Variants in VMP1 observed in about 807,000 individuals in gnomAD.
The protein encoded by VMP1 is ectopic P-granules autophagy protein 3 homolog.
In VMP1, 11 loss-of-function variants were observed where a neutral mutation model predicts 56.0. The observed-to-expected ratio is 0.20, with a 90% CI of 0.12 to 0.32. VMP1 has a LOEUF of 0.32. VMP1 is among the 10% of genes least tolerant of loss of function. The probability of loss-of-function intolerance (pLI) is 1.00; values close to 1 mark genes in which losing one functional copy is unlikely to be tolerated. For synonymous variants in VMP1, 149 were observed against 165.0 expected, an observed-to-expected ratio of 0.90 and a Z score of 0.74; for missense variants, 296 against 490.3, an observed-to-expected ratio of 0.60 and a Z score of 3.74.
intron 5 of VMP1, among the ~76,000 whole-genome samples, chr17:59,760,884 G>A (rs765603294): frequency 3.3e-5 from 5 of 152,088 alleles, no homozygotes; most frequent in Admixed American, 1.3e-4. Context: ...CTCCCAAAGC[G>A]CTGGGATTAC....
chr17:59,737,382 A>AAATT, intron 3 of VMP1, 71 bp from the exon 4 acceptor site: 1 of 1,489,780 alleles, frequency 6.7e-7, no homozygotes, highest in South Asian at 1.2e-5. Context: ...TTTCAGCAAG[A>AAATT]AATTGTTCTG....
At chr17:59,744,191 T>A (rs1221935997) in intron 5 of VMP1, among the ~76,000 whole-genome samples, 2 of 151,720 alleles carry the variant, frequency 1.3e-5, no homozygotes, top group Non-Finnish European at 2.9e-5. Context: ...CCAGGCGCGG[T>A]GGCTCATGCC....
rs532814599 is a variant in VMP1 at position 59,796,355 on chromosome 17, G to A, written c.715-12441G>A. Among the ~76,000 whole-genome samples, 146 of 152,254 alleles carry A rather than the reference G, an allele frequency of 9.6e-4. 1 individual carries two copies. Among genetic ancestry groups the A allele is most frequent in the African/African-American group, 3.1e-3 (129 of 41,546 alleles). On this transcript the variant is annotated intron_variant, in intron 7 of 11. Coordinates refer to ENST00000262291, the MANE Select transcript of VMP1 (RefSeq NM_030938.5). ...CAGATTGTTATCAGTGTGATTTAGC[G>A]TTGTGTTCTCAACTTCTACAATATT...
At chr17:59,821,015 G>A (rs2038427197) in intron 10 of VMP1, among the ~76,000 whole-genome samples, 2 of 147,916 alleles carry the variant, frequency 1.4e-5, no homozygotes, top group South Asian at 4.3e-4. Flanking sequence ...GTGTCGCCCA[G>A]GCTGGAGTGC....
chr17:59,711,727 T>C (rs1167216898), intron 1 of VMP1, among the ~76,000 whole-genome samples: 1 of 152,214 alleles, frequency 6.6e-6, no homozygotes, highest in Non-Finnish European at 1.5e-5. Context: ...TAAAAGGTGA[T>C]ACTTAAAGTT....
At chr17:59,803,977 G>A (rs557779005) in intron 7 of VMP1, among the ~76,000 whole-genome samples, 1 of 151,408 alleles carries the variant, frequency 6.6e-6, no homozygotes, top group Admixed American at 6.6e-5. Flanking sequence ...TAGCTTTTTG[G>A]TGGTGTTAGG....
At chr17:59,742,571 G>A (rs928476031) in intron 5 of VMP1, among the ~76,000 whole-genome samples, 5 of 144,384 alleles carry the variant, frequency 3.5e-5, no homozygotes, top group Admixed American at 7.0e-5. Context: ...TTATTGTTCA[G>A]TGTAGTTTTA....
intron 5 of VMP1, among the ~76,000 whole-genome samples, chr17:59,760,123 A>AAAAAAAAAAAAG: frequency 2.1e-5 from 1 of 48,042 alleles, no homozygotes; most frequent in Non-Finnish European, 3.2e-5. Context: ...ACCCTTTCTC[A>AAAAAAAAAAAAG]AAAAAAAAAA....
At chr17:59,755,095 C>CTTCTTT (rs560421560) in intron 5 of VMP1, among the ~76,000 whole-genome samples, 95 of 149,526 alleles carry the variant, frequency 6.4e-4, no homozygotes, top group African/African-American at 1.9e-3. Flanking sequence ...TGAAACATGC[C>CTTCTTT]TTCTTTTTCT....
At chr17:59,830,579 T>C (rs1302887275) in intron 10 of VMP1, among the ~76,000 whole-genome samples, 1 of 152,244 alleles carries the variant, frequency 6.6e-6, no homozygotes, top group East Asian at 1.9e-4. Context: ...TTACTCTTTG[T>C]AAAGAGGCTA....
chr17:59,758,385 T>G (rs1268281047), intron 5 of VMP1, among the ~76,000 whole-genome samples: 1 of 152,202 alleles, frequency 6.6e-6, no homozygotes, highest in Admixed American at 6.5e-5. Context: ...AATATAGATG[T>G]TGACGTTTTC....
chr17:59,766,769 G>A (rs2036244886), intron 6 of VMP1, among the ~76,000 whole-genome samples: 1 of 151,628 alleles, frequency 6.6e-6, no homozygotes, highest in African/African-American at 2.4e-5. Flanking sequence ...TTTTTTTTGT[G>A]TGCCTAAATT....
At position 59,808,818 on chromosome 17, in the gene VMP1, T is replaced by G. The variant is rs1410048708; in HGVS notation, c.737T>G (p.Leu246Arg). 4 of 1,614,068 alleles carry G rather than the reference T, an allele frequency of 2.5e-6. No homozygotes were observed. Among genetic ancestry groups the G allele is most frequent in the Non-Finnish European group, 3.4e-6 (4 of 1,179,994 alleles). ...CAGGACTTTGCCTCCCGGGCCAAACTGGCAGTTCAAAAACTAGTACAGAAA... is the reference window on the plus strand; with the variant it reads ...CAGGACTTTGCCTCCCGGGCCAAACGGGCAGTTCAAAAACTAGTACAGAAA... ...SAQDFASRAK[L>R]AVQKLVQKVG... Residue 246 changes from leucine (L) to arginine (R), a missense_variant, in exon 8 of 12, where the codon CTG (leucine) becomes CGG (arginine). Physicochemically the swap from Leu to Arg is moderately radical, Grantham distance 102. Coordinates refer to ENST00000262291, the MANE Select transcript of VMP1 (RefSeq NM_030938.5).
chr17:59,815,500 C>T (rs2038195210), intron 9 of VMP1, among the ~76,000 whole-genome samples: 1 of 152,052 alleles, frequency 6.6e-6, no homozygotes, highest in African/African-American at 2.4e-5. Context: ...ATTATAATGC[C>T]TAGAATAGCA....
intron 6 of VMP1, among the ~76,000 whole-genome samples, chr17:59,766,263 G>A (rs2036227797): frequency 6.6e-6 from 1 of 152,028 alleles, no homozygotes. Context: ...CAGCACTTTG[G>A]GCGGCCAAGG....
At chr17:59,775,466 G>A (rs1418965983) in intron 7 of VMP1, among the ~76,000 whole-genome samples, 1 of 152,122 alleles carries the variant, frequency 6.6e-6, no homozygotes, top group Non-Finnish European at 1.5e-5. Context: ...TGGGACTACA[G>A]GTATATACCA....
intron 10 of VMP1, among the ~76,000 whole-genome samples, chr17:59,832,460 A>G (rs2038841936): frequency 6.6e-6 from 1 of 152,028 alleles, no homozygotes; most frequent in Non-Finnish European, 1.5e-5. Flanking sequence ...GCAAGTACCT[A>G]CTTACATAGC....
At chr17:59,780,133 G>A (rs1452642135) in intron 7 of VMP1, among the ~76,000 whole-genome samples, 1 of 152,116 alleles carries the variant, frequency 6.6e-6, no homozygotes, top group African/African-American at 2.4e-5. Context: ...ACTTCTGTTG[G>A]TTATGAGGTT....
At chr17:59,780,857 G>A (rs546209468) in intron 7 of VMP1, among the ~76,000 whole-genome samples, 15 of 152,162 alleles carry the variant, frequency 9.9e-5, no homozygotes, top group South Asian at 8.3e-4. Flanking sequence ...CAGAGTGCTG[G>A]GATTACAGGT....
Sources: allele counts gnomAD v4.1 joint callset (sites outside exome capture counted in the v4.1 genomes callset), GRCh38; gene constraint gnomAD v4.1.1; transcripts MANE v1.5; gene names NCBI Gene and HGNC (gene_info 2026-07-23, HGNC 2026-07-21).